Variants in LYPD6 observed in about 807,000 individuals in gnomAD.
The protein encoded by LYPD6 is ly6/PLAUR domain-containing protein 6.
In LYPD6, 15 loss-of-function variants were observed where a neutral mutation model predicts 22.7. The observed-to-expected ratio is 0.66, with a 90% CI of 0.44 to 1.02. The LOEUF is 1.02. Ranked by LOEUF, LYPD6 falls within the 50% of genes least tolerant of loss-of-function variation. The pLI is 0.00. For synonymous variants in LYPD6, 72 were observed against 77.5 expected (o/e 0.93, Z 0.37); for missense variants, 189 against 208.4 (o/e 0.91, Z 0.57).
At position 149,472,911 on chromosome 2, in the gene LYPD6, A is replaced by G. The variant is rs1293258192; in HGVS notation, c.*2061A>G. The G allele has an allele frequency of 2.0e-5, 3 of 152,598 alleles. No homozygotes were observed. The highest frequency in any genetic ancestry group is 1.3e-4 in the Admixed American group (2 of 15,274). The allele number at this position is 152,598 out of a possible 1,614,324, so 9.5% of individuals were successfully genotyped here. A position where few individuals can be genotyped will look rare whatever the true frequency, so the allele number is the denominator to read the frequency against. On this transcript the variant is annotated 3_prime_UTR_variant, in exon 5 of 5. Transcript: ENST00000334166. ...GGCCTGACTTCATAGGAATTCATCC[A>G]TCTTATCATGTGGAGTTTATCTCAC... is the stretch of plus-strand genomic sequence containing the variant.
intron 1 of LYPD6, among the ~76,000 whole-genome samples, chr2:149,340,210 G>A (rs2889616): frequency 0.61 from 92,180 of 151,972 alleles, 28,339 homozygotes; most frequent in East Asian, 0.9. Flanking sequence ...AAGCAGGAGA[G>A]ATAAAGGTTA....
chr2:149,384,135 A>G (rs1418191238), intron 1 of LYPD6, among the ~76,000 whole-genome samples: 5 of 152,172 alleles, frequency 3.3e-5, no homozygotes, highest in Non-Finnish European at 7.4e-5. Context: ...ATTTGAATGG[A>G]TGAACTGATC....
chr2:149,347,628 TC>T (rs1308625167), intron 1 of LYPD6, among the ~76,000 whole-genome samples: 1 of 152,194 alleles, frequency 6.6e-6, no homozygotes, highest in Non-Finnish European at 1.5e-5. Flanking sequence ...AATGACAGAT[TC>T]CTTTTTCATA....
intron 1 of LYPD6, among the ~76,000 whole-genome samples, chr2:149,401,469 A>G (rs1682553806): frequency 6.6e-6 from 1 of 152,226 alleles, no homozygotes; most frequent in Non-Finnish European, 1.5e-5. Context: ...TGTCTGTGCC[A>G]TCTCTTCCAG....
intron 1 of LYPD6, among the ~76,000 whole-genome samples, chr2:149,347,170 G>C (rs1013649049): frequency 2.6e-5 from 4 of 151,490 alleles, no homozygotes; most frequent in African/African-American, 9.8e-5. Flanking sequence ...AGAAGAAGAA[G>C]AGAAAGAGGA....
chr2:149,470,908 C>A lies in LYPD6; in HGVS notation c.*58C>A. On this transcript the variant is annotated 3_prime_UTR_variant, in exon 5 of 5. Transcript: ENST00000334166. ...CATGGGGATCTCGATGGTCCACAGACCTGCATGAGTCATTGGCCTGACAGT... is the reference window on the plus strand; with the variant it reads ...CATGGGGATCTCGATGGTCCACAGAACTGCATGAGTCATTGGCCTGACAGT... The A allele has an allele frequency of 6.7e-7, 1 of 1,486,152 alleles. No homozygotes were observed. Among genetic ancestry groups the A allele is most frequent in the Non-Finnish European group, 9.3e-7 (1 of 1,078,214 alleles). 92.1% of individuals were successfully genotyped at this position (1,486,152 alleles called of 1,614,324 possible).
At chr2:149,438,776 G>A (rs1223165553) in intron 2 of LYPD6, among the ~76,000 whole-genome samples, 1 of 152,226 alleles carries the variant, frequency 6.6e-6, no homozygotes, top group Admixed American at 6.5e-5. Context: ...ATGTCTGCTT[G>A]TTCTGGGTTA....
At chr2:149,375,860 G>A (rs1386082668) in intron 1 of LYPD6, among the ~76,000 whole-genome samples, 1 of 152,308 alleles carries the variant, frequency 6.6e-6, no homozygotes, top group African/African-American at 2.4e-5. Flanking sequence ...AGTTAGACAG[G>A]ATGTGACTAA....
At chr2:149,353,709 A>C (rs1402153778) in intron 1 of LYPD6, among the ~76,000 whole-genome samples, 1 of 152,106 alleles carries the variant, frequency 6.6e-6, no homozygotes, top group African/African-American at 2.4e-5. Context: ...TCCCCCTATA[A>C]AATTTGTTCA....
At chr2:149,392,976 A>C (rs1158896279) in intron 1 of LYPD6, among the ~76,000 whole-genome samples, 2 of 152,214 alleles carry the variant, frequency 1.3e-5, no homozygotes, top group African/African-American at 4.8e-5. Context: ...CAGTGAGCCA[A>C]GATCGTGCCA....
intron 1 of LYPD6, among the ~76,000 whole-genome samples, chr2:149,366,128 C>T (rs1681658753): frequency 2.0e-5 from 3 of 152,164 alleles, no homozygotes; most frequent in Admixed American, 2.0e-4. Flanking sequence ...CTTTTGTTTT[C>T]CATATATTTT....
intron 2 of LYPD6, among the ~76,000 whole-genome samples, chr2:149,439,197 T>C (rs1683501052): frequency 6.6e-6 from 1 of 152,206 alleles, no homozygotes; most frequent in South Asian, 2.1e-4. Context: ...AACTCCCATA[T>C]ACTTTTAATA....
At chr2:149,367,084 TTGTA>T (rs1681687545) in intron 1 of LYPD6, among the ~76,000 whole-genome samples, 1 of 152,110 alleles carries the variant, frequency 6.6e-6, no homozygotes, top group Non-Finnish European at 1.5e-5. Context: ...ATAAAGGAGA[TTGTA>T]TGAATTATTT....
At position 149,472,078 on chromosome 2, in the gene LYPD6, T is replaced by G. The variant is rs1681348943; in HGVS notation, c.*1228T>G. The G allele has an allele frequency of 6.6e-6, 1 of 152,358 alleles. No homozygotes were observed. Among genetic ancestry groups the G allele is most frequent in the Admixed American group, 6.5e-5 (1 of 15,280 alleles). The allele number at this position is 152,358 out of a possible 1,614,324, so 9.4% of individuals were successfully genotyped here. The stretch of plus-strand genomic sequence containing the variant: ...TTTTTTGTACCCCAAGTTACAATTT[T>G]TCTTCTTCCTTGTAAATAATTTAAA... On this transcript the variant is annotated 3_prime_UTR_variant, in exon 5 of 5. Transcript: ENST00000334166.
intron 1 of LYPD6, among the ~76,000 whole-genome samples, chr2:149,378,588 G>A (rs566534064): frequency 4.6e-5 from 7 of 152,272 alleles, no homozygotes; most frequent in African/African-American, 1.7e-4. Context: ...TGTTTTTGAT[G>A]AGTGATTATT....
At chr2:149,425,349 G>A (rs1683167155) in intron 1 of LYPD6, among the ~76,000 whole-genome samples, 1 of 152,180 alleles carries the variant, frequency 6.6e-6, no homozygotes, top group Admixed American at 6.5e-5. Context: ...GAGAGCTCAA[G>A]AATTTGAGTA....
chr2:149,358,958 C>T (rs1681518187), intron 1 of LYPD6, among the ~76,000 whole-genome samples: 1 of 152,108 alleles, frequency 6.6e-6, no homozygotes, highest in South Asian at 2.1e-4. Flanking sequence ...TCAGTGACCC[C>T]ATTAAAGTAC....
At chr2:149,343,711 C>T (rs1681203630) in intron 1 of LYPD6, among the ~76,000 whole-genome samples, 1 of 152,068 alleles carries the variant, frequency 6.6e-6, no homozygotes, top group Non-Finnish European at 1.5e-5. Flanking sequence ...TGCTTGTTTC[C>T]CACTTTCATC....
chr2:149,388,931 C>G (rs1453591830), intron 1 of LYPD6, among the ~76,000 whole-genome samples: 1 of 152,130 alleles, frequency 6.6e-6, no homozygotes, highest in African/African-American at 2.4e-5. Flanking sequence ...GCTCTCCTTT[C>G]CTGGATGGAC....
Sources: allele counts gnomAD v4.1 joint callset (sites outside exome capture counted in the v4.1 genomes callset), GRCh38; gene constraint gnomAD v4.1.1; transcripts MANE v1.5; gene names NCBI Gene and HGNC (gene_info 2026-07-23, HGNC 2026-07-21).